MAST2: variants seen among roughly 807,000 people sequenced by gnomAD.
MAST2 encodes the protein microtubule associated serine/threonine kinase 2.
A neutral mutation model predicts 147.4 loss-of-function variants in MAST2; 70 were observed. The ratio of observed to expected loss-of-function variants is 0.47; its 90% CI spans 0.39 to 0.58. The LOEUF is 0.58. MAST2 is among the 20% of genes least tolerant of loss of function. The pLI is 0.00. For missense variants in MAST2, 2,080 were observed against 2,302.3 expected (o/e 0.90, Z 1.98); for synonymous variants, 869 against 896.8 (o/e 0.97, Z 0.55).
chr1:46,000,906 C>T, intron 6 of MAST2: 2 of 1,240,682 alleles, frequency 1.6e-6, no homozygotes, highest in Non-Finnish European at 2.1e-6. Flanking sequence ...TCAAAAAGAT[C>T]ACTCTCTCTG....
intron 3 of MAST2, among the ~76,000 whole-genome samples, chr1:45,877,536 C>T (rs1180163497): frequency 6.6e-6 from 1 of 152,106 alleles, no homozygotes; most frequent in Non-Finnish European, 1.5e-5. Context: ...ACATTGAAAC[C>T]TTAGCAGTGA....
chr1:46,005,467 G>T (rs1645449270), intron 7 of MAST2, among the ~76,000 whole-genome samples: 1 of 152,170 alleles, frequency 6.6e-6, no homozygotes, highest in Non-Finnish European at 1.5e-5. Flanking sequence ...GTAATGGAGG[G>T]GGGAGTTCCC....
At chr1:45,823,278 G>A (rs371783949) in intron 1 of MAST2, among the ~76,000 whole-genome samples, 1 of 149,654 alleles carries the variant, frequency 6.7e-6, no homozygotes, top group Non-Finnish European at 1.5e-5. Flanking sequence ...GTATTGCTAT[G>A]GTGCCAGTTA....
Position 46,034,828 on chromosome 1 carries a change from C to G in MAST2, c.4159C>G (p.Gln1387Glu). The G allele has an allele frequency of 6.2e-7, 1 of 1,614,202 alleles. No homozygotes were observed. Among genetic ancestry groups the G allele is most frequent in the Non-Finnish European group, 8.5e-7 (1 of 1,180,044 alleles). The stretch of plus-strand genomic sequence containing the variant: ...TCACTTGTCACCTCCCCTGGGCAGG[C>G]AACTCTCACGGCCCAAGAGTGCGGA... ...KLHLSPPLGR[Q>E]LSRPKSAEPP... The change falls in exon 29 of 29, where the codon CAA becomes GAA. Residue 1387 changes from glutamine (Q) to glutamate (E), a missense_variant. Gln to Glu is a conservative substitution (Grantham distance 29, BLOSUM62 2). Coordinates refer to ENST00000361297, the MANE Select transcript of MAST2 (RefSeq NM_015112.3).
intron 10 of MAST2, among the ~76,000 whole-genome samples, chr1:46,017,983 T>C (rs1418793687): frequency 6.6e-6 from 1 of 152,212 alleles, no homozygotes; most frequent in Non-Finnish European, 1.5e-5. Context: ...CTACCAAAAC[T>C]GTTCAGGCAA....
At chr1:45,831,915 G>A (rs1410864727) in intron 3 of MAST2, among the ~76,000 whole-genome samples, 1 of 151,822 alleles carries the variant, frequency 6.6e-6, no homozygotes, top group Non-Finnish European at 1.5e-5. Context: ...AAGTAGCTGG[G>A]ATTACAGGTG....
intron 4 of MAST2, among the ~76,000 whole-genome samples, chr1:45,957,152 A>G (rs887842522): frequency 1.3e-5 from 2 of 152,244 alleles, no homozygotes; most frequent in Non-Finnish European, 2.9e-5. Context: ...CAACTCATCC[A>G]TGAAAGCATA....
At chr1:45,917,808 A>G (rs893928963) in intron 4 of MAST2, among the ~76,000 whole-genome samples, 1 of 152,170 alleles carries the variant, frequency 6.6e-6, no homozygotes, top group Admixed American at 6.5e-5. Flanking sequence ...TGACCACCCC[A>G]TAGCATGGCA....
At chr1:45,808,209 A>G (rs1044724961) in intron 1 of MAST2, among the ~76,000 whole-genome samples, 1 of 152,158 alleles carries the variant, frequency 6.6e-6, no homozygotes, top group African/African-American at 2.4e-5. Context: ...GTCATCCAAC[A>G]TGAAATTATA....
intron 2 of MAST2, among the ~76,000 whole-genome samples, chr1:45,828,404 T>A (rs1281150872): frequency 6.6e-6 from 1 of 152,098 alleles, no homozygotes; most frequent in Non-Finnish European, 1.5e-5. Flanking sequence ...AGTGAATAAG[T>A]GTGGAAAAGA....
chr1:45,984,121 A>C (rs185543306), intron 5 of MAST2, among the ~76,000 whole-genome samples: 46 of 152,302 alleles, frequency 3.0e-4, no homozygotes, highest in African/African-American at 1.1e-3. Flanking sequence ...TAAAAATATA[A>C]AACTATAATA....
rs1399232546 is a variant in MAST2 at position 46,032,270 on chromosome 1, T to C, written c.3280T>C (p.Phe1094Leu). ...SSRDSSPSRD[F>L]LPALGSMRPP... is the part of the protein sequence containing the mutation. Reference sequence around the variant, plus strand: ...CCGGGACTCTTCTCCAAGCAGGGACTTCTTGCCAGCCCTTGGCAGCATGAG... The same window carrying C: ...CCGGGACTCTTCTCCAAGCAGGGACCTCTTGCCAGCCCTTGGCAGCATGAG... Residue 1094 changes from phenylalanine (F) to leucine (L), a missense_variant, in exon 25 of 29, where the codon TTC (phenylalanine) becomes CTC (leucine). Physicochemically the swap from Phe to Leu is conservative, Grantham distance 22. Around this residue, in one of 4 missense-constraint regions of MAST2, gnomAD observed 1,278 missense variants for 1,304.2 expected, o/e 0.98. Coordinates refer to ENST00000361297, the MANE Select transcript of MAST2 (RefSeq NM_015112.3). The C allele has an allele frequency of 1.2e-6, 2 of 1,614,244 alleles. No homozygotes were observed. The highest frequency in any genetic ancestry group is 1.7e-5 in the Admixed American group (1 of 60,032).
At position 46,021,967 on chromosome 1, in the gene MAST2, G is replaced by A. The variant is rs1646203469; in HGVS notation, c.1308G>A (p.Glu436=). The part of the protein sequence containing the change: ...LLECLEFDPE[E]FYHLLEAAEG... ...TGGTACAGGAGTTTGACCCTGAAGA[G>A]TTCTACCACCTTTTAGAAGCAGCTG... Residue 436 remains glutamate (E), a synonymous_variant, in exon 12 of 29, where the codon GAG becomes GAA. Transcript: ENST00000361297. 6.2e-7 allele frequency: 1 copy of A among 1,614,216 alleles called. No individual in the cohort carries two copies.
chr1:45,856,791 T>C (rs1645804711), intron 3 of MAST2, among the ~76,000 whole-genome samples: 1 of 152,100 alleles, frequency 6.6e-6, no homozygotes, highest in Admixed American at 6.5e-5. Context: ...AGATCTGTTT[T>C]TTTTTTTTAT....
intron 3 of MAST2, among the ~76,000 whole-genome samples, chr1:45,877,512 T>C (rs1646657372): frequency 6.6e-6 from 1 of 152,186 alleles, no homozygotes. Flanking sequence ...ATGTGAATTT[T>C]GGACGAGACA....
intron 4 of MAST2, chr1:45,913,890 T>TG: frequency 1.6e-6 from 2 of 1,234,680 alleles, no homozygotes; most frequent in Non-Finnish European, 1.0e-6. Context: ...GTAAGGAGGT[T>TG]GGGGTCTCTA....
At position 46,034,133 on chromosome 1, in the gene MAST2, C is replaced by T; in HGVS notation, c.3735C>T (p.Ser1245=). The part of the protein sequence containing the change: ...ITKQASLLHT[S]RSLSSLNRSL... ...AGCAAGCATCCCTGCTCCACACCAG[C>T]CGCAGCCTTTCTTCCCTTAACCGCT... The change falls in exon 28 of 29, where the codon AGC becomes AGT. Residue 1245 remains serine (S), a synonymous_variant. Transcript: ENST00000361297. The T allele has an allele frequency of 2.5e-6, 4 of 1,614,160 alleles. No homozygotes were observed. The highest frequency in any genetic ancestry group is 3.4e-6 in the Non-Finnish European group (4 of 1,180,004).
intron 4 of MAST2, among the ~76,000 whole-genome samples, chr1:45,916,321 G>A (rs952391699): frequency 3.9e-5 from 6 of 152,068 alleles, no homozygotes; most frequent in African/African-American, 1.4e-4. Flanking sequence ...ATTAAATAAT[G>A]GTGTGTGTAT....
chr1:46,006,098 C>T, intron 7 of MAST2, 143 bp from the exon 8 acceptor site: 3 of 718,928 alleles, frequency 4.2e-6, no homozygotes, highest in Non-Finnish European at 6.8e-6. Context: ...CAAGCACAGG[C>T]AAGGCTAAGG....
Sources: allele counts gnomAD v4.1 joint callset (sites outside exome capture counted in the v4.1 genomes callset), GRCh38; gene constraint gnomAD v4.1.1; regional missense constraint gnomAD v4.1.1; transcripts MANE v1.5; gene names NCBI Gene and HGNC (gene_info 2026-07-23, HGNC 2026-07-21).